SCARA5: variants seen among roughly 807,000 people sequenced by gnomAD.
SCARA5 encodes scavenger receptor class A, member 5 (putative).
A neutral mutation model predicts 46.3 loss-of-function variants in SCARA5; 45 were observed. The observed-to-expected ratio is 0.97, with a 90% CI of 0.76 to 1.24. The LOEUF is 1.24. Among genes scored for constraint, SCARA5 ranks in the 50% most tolerant of loss-of-function variants. The probability of loss-of-function intolerance (pLI) is 0.00; values close to 1 mark genes in which losing one functional copy is unlikely to be tolerated. For missense variants in SCARA5, 680 were observed against 689.0 expected, an observed-to-expected ratio of 0.99 and a Z score of 0.15; for synonymous variants, 333 against 306.5, an observed-to-expected ratio of 1.09 and a Z score of -0.90.
chr8:27,872,364 A>G (rs1269476277), intron 8 of SCARA5, among the ~76,000 whole-genome samples: 1 of 152,208 alleles, frequency 6.6e-6, no homozygotes, highest in Non-Finnish European at 1.5e-5. Flanking sequence ...CTGGCTATTA[A>G]AGTCTTAAAC....
intron 3 of SCARA5, among the ~76,000 whole-genome samples, chr8:27,947,654 T>C (rs1018532681): frequency 6.6e-6 from 1 of 151,652 alleles, no homozygotes; most frequent in Middle Eastern, 3.4e-3. Flanking sequence ...ATCCCAGCAC[T>C]TTGGGAGGCC....
rs549343640 is a variant in SCARA5 at position 27,887,403 on chromosome 8, C to T, written c.1154-7637G>A. ...AACCTGCAGACTGGGGTCTACCTGT[C>T]CATGCCTTCATGGTTTGCAAGTTAA... On this transcript the variant is annotated intron_variant, in intron 7 of 8. Coordinates refer to ENST00000354914, the MANE Select transcript of SCARA5 (RefSeq NM_173833.6). Among the ~76,000 whole-genome samples the T allele has an allele frequency of 5.3e-5, 8 of 152,260 alleles. No individual in the cohort carries two copies. In the South Asian group the frequency reaches 1.7e-3, roughly 32 times the overall value.
chr8:27,987,153 G>T (rs952368974), intron 2 of SCARA5, among the ~76,000 whole-genome samples: 22 of 152,298 alleles, frequency 1.4e-4, no homozygotes, highest in African/African-American at 5.1e-4. Flanking sequence ...ACCTGAGAGG[G>T]TCTGCACTGA....
chr8:27,873,074 T>C (rs1023201089), intron 8 of SCARA5, among the ~76,000 whole-genome samples: 3 of 152,180 alleles, frequency 2.0e-5, no homozygotes, highest in Admixed American at 1.3e-4. Context: ...CCAATCATTG[T>C]TTTAGCTTTA....
chr8:27,989,338 G>A (rs11136023), intron 1 of SCARA5, among the ~76,000 whole-genome samples: 56,025 of 151,508 alleles, frequency 0.37, 11,280 homozygotes, highest in Middle Eastern at 0.51. Context: ...ATGTTGGCCA[G>A]GCTGGTCTGG....
At chr8:27,917,361 G>A (rs1457473659) in intron 4 of SCARA5, among the ~76,000 whole-genome samples, 2 of 152,218 alleles carry the variant, frequency 1.3e-5, no homozygotes, top group Non-Finnish European at 2.9e-5. Flanking sequence ...GAGCCAAGGA[G>A]ATTGGACTTA....
At chr8:27,978,551 GC>G (rs1340864583) in intron 2 of SCARA5, among the ~76,000 whole-genome samples, 7 of 151,356 alleles carry the variant, frequency 4.6e-5, no homozygotes, top group Non-Finnish European at 1.0e-4. Flanking sequence ...TCACTCTGTC[GC>G]CCAGGCTGAA....
chr8:27,912,066 G>C (rs1452431823), intron 4 of SCARA5, among the ~76,000 whole-genome samples: 1 of 152,160 alleles, frequency 6.6e-6, no homozygotes, highest in African/African-American at 2.4e-5. Context: ...ACGTGGCCCT[G>C]TGGATACCTT....
At chr8:27,901,813 G>A (rs947243892) in intron 7 of SCARA5, among the ~76,000 whole-genome samples, 2 of 152,206 alleles carry the variant, frequency 1.3e-5, no homozygotes, top group Admixed American at 6.5e-5. Flanking sequence ...TAAGGAGCCC[G>A]GCCCTACTAC....
At chr8:27,888,953 GGA>G (rs1175912617) in intron 7 of SCARA5, among the ~76,000 whole-genome samples, 1 of 152,118 alleles carries the variant, frequency 6.6e-6, no homozygotes, top group Non-Finnish European at 1.5e-5. Context: ...CAACTTTTCT[GGA>G]GTGTCAATTC....
At chr8:27,898,452 G>A (rs1239627617) in intron 7 of SCARA5, among the ~76,000 whole-genome samples, 3 of 152,242 alleles carry the variant, frequency 2.0e-5, no homozygotes, top group Non-Finnish European at 4.4e-5. Flanking sequence ...CACAGCCAGT[G>A]AGGTGAAAAC....
chr8:27,947,219 C>T (rs1297939600), intron 3 of SCARA5, among the ~76,000 whole-genome samples: 1 of 152,136 alleles, frequency 6.6e-6, no homozygotes, highest in Non-Finnish European at 1.5e-5. Flanking sequence ...GCCGTGTTGG[C>T]CAGGCTGGTC....
intron 3 of SCARA5, among the ~76,000 whole-genome samples, chr8:27,941,919 C>T (rs528237580): frequency 3.5e-4 from 53 of 151,602 alleles, no homozygotes; most frequent in East Asian, 2.1e-3. Context: ...CTCTGCCTCC[C>T]GGATTCAAGT....
chr8:27,878,133 C>T (rs1265593176), intron 8 of SCARA5, among the ~76,000 whole-genome samples: 1 of 152,216 alleles, frequency 6.6e-6, no homozygotes, highest in Admixed American at 6.5e-5. Context: ...CTGCCATCCA[C>T]AGGTCACCAG....
chr8:27,958,368 G>A (rs972947764), intron 3 of SCARA5, among the ~76,000 whole-genome samples: 2 of 152,194 alleles, frequency 1.3e-5, no homozygotes, highest in African/African-American at 4.8e-5. Flanking sequence ...GGCTAGGGCA[G>A]CCCGACAGAG....
chr8:27,911,138 A>G (rs1412175744), intron 4 of SCARA5, among the ~76,000 whole-genome samples: 2 of 152,160 alleles, frequency 1.3e-5, no homozygotes, highest in Non-Finnish European at 2.9e-5. Context: ...ACCAGCTCTA[A>G]GGTGGCTCAC....
chr8:27,966,490 C>T lies in SCARA5; in HGVS notation c.165G>A (p.Leu55=). Reference sequence around the variant, plus strand: ...CCAGGACAGCATGCTTCAGGGCCGACAGGGACCCCAGCTGGGTACAGCAGA... The same window carrying T: ...CCAGGACAGCATGCTTCAGGGCCGATAGGGACCCCAGCTGGGTACAGCAGA... ...ASICCTQLGS[L]SALKHAVLGL... is the part of the protein sequence containing the mutation. Residue 55 remains leucine (L), a synonymous_variant, in exon 3 of 9, where the codon CTG becomes CTA. Transcript: ENST00000354914. 1 of 1,613,898 alleles carries T rather than the reference C, an allele frequency of 6.2e-7. No individual in the cohort carries two copies. Among genetic ancestry groups the T allele is most frequent in the Non-Finnish European group, 8.5e-7 (1 of 1,179,904 alleles).
intron 2 of SCARA5, among the ~76,000 whole-genome samples, chr8:27,986,244 C>T (rs537359758): frequency 4.7e-4 from 72 of 152,234 alleles, no homozygotes; most frequent in Non-Finnish European, 8.2e-4. Context: ...TGGTGTCACA[C>T]AAATAGGAAT....
chr8:27,874,795 C>T (rs1331588145), intron 8 of SCARA5, among the ~76,000 whole-genome samples: 1 of 152,190 alleles, frequency 6.6e-6, no homozygotes, highest in Non-Finnish European at 1.5e-5. Flanking sequence ...TCCTTACCTC[C>T]TTTTCCATCT....
Sources: gnomAD v4.1 joint callset for allele counts (sites outside exome capture counted in the v4.1 genomes callset) on GRCh38, gnomAD v4.1.1 for gene constraint, MANE v1.5 for transcripts, NCBI Gene and HGNC (gene_info 2026-07-23, HGNC 2026-07-21) for gene names.